ATP11A: variants seen among roughly 807,000 people sequenced by gnomAD.
The protein encoded by ATP11A is ATPase phospholipid transporting 11A.
Under a neutral mutation model 154.4 loss-of-function variants are expected in ATP11A, and 81 were observed. The observed-to-expected ratio is 0.52, with a 90% CI of 0.44 to 0.63. The LOEUF is 0.63. ATP11A is among the 30% of genes least tolerant of loss of function. The pLI is 0.00. For synonymous variants in ATP11A, 623 were observed against 585.9 expected, an observed-to-expected ratio of 1.06 and a Z score of -0.91; for missense variants, 1,316 against 1,474.3, an observed-to-expected ratio of 0.89 and a Z score of 1.76.
At chr13:112,784,765 C>T (rs1461361687) in intron 1 of ATP11A, among the ~76,000 whole-genome samples, 7 of 152,164 alleles carry the variant, frequency 4.6e-5, no homozygotes, top group Admixed American at 6.5e-5. Flanking sequence ...CCTCGTGATC[C>T]GCCCATCTCG....
At chr13:112,806,672 G>T (rs1160590382) in intron 4 of ATP11A, among the ~76,000 whole-genome samples, 1 of 151,632 alleles carries the variant, frequency 6.6e-6, no homozygotes, top group Non-Finnish European at 1.5e-5. Context: ...TTTTGGTTTT[G>T]CTTTTTTTTT....
intron 1 of ATP11A, among the ~76,000 whole-genome samples, chr13:112,702,457 G>A (rs889584742): frequency 1.3e-5 from 2 of 152,174 alleles, no homozygotes; most frequent in Admixed American, 6.5e-5. Flanking sequence ...CTCGGAAGGC[G>A]TGCACACGGG....
intron 2 of ATP11A, among the ~76,000 whole-genome samples, chr13:112,799,194 C>A (rs2078072501): frequency 6.6e-6 from 1 of 152,144 alleles, no homozygotes; most frequent in African/African-American, 2.4e-5. Context: ...AAAGAAAATC[C>A]ACTGTTATAT....
At chr13:112,805,080 T>A in intron 3 of ATP11A, 34 bp downstream of exon 3, 2 of 1,484,364 alleles carry the variant, frequency 1.3e-6, no homozygotes, top group East Asian at 4.6e-5. Context: ...TCTCATCACA[T>A]ATAAATCTAA....
intron 1 of ATP11A, among the ~76,000 whole-genome samples, chr13:112,736,619 G>A (rs1377774429): frequency 2.6e-5 from 4 of 152,134 alleles, no homozygotes; most frequent in Non-Finnish European, 4.4e-5. Context: ...GTTGTTTCCA[G>A]CATGCCAGAA....
In ATP11A at chr13:112,885,215, T is replaced by C. The variant is rs1451412620; in HGVS notation, c.*3349T>C. The C allele has an allele frequency of 6.6e-6, 1 of 150,860 alleles. No homozygotes were observed. The highest frequency in any genetic ancestry group is 2.4e-5 in the African/African-American group (1 of 40,848). 9.3% of individuals were successfully genotyped at this position (150,860 alleles called of 1,614,324 possible). On this transcript the variant is annotated 3_prime_UTR_variant, in exon 30 of 30. Coordinates refer to ENST00000375645, the MANE Select transcript of ATP11A (RefSeq NM_015205.3). Reference sequence around the variant, plus strand: ...TGCACATATCATGAACAGCGTAAGTTCCTACACACGGACGTGTGATACACA... The same window carrying C: ...TGCACATATCATGAACAGCGTAAGTCCCTACACACGGACGTGTGATACACA...
chr13:112,707,601 G>A (rs1008423830), intron 1 of ATP11A, among the ~76,000 whole-genome samples: 1 of 152,144 alleles, frequency 6.6e-6, no homozygotes, highest in East Asian at 1.9e-4. Context: ...ACAGTCGACC[G>A]GCATTTGACG....
intron 1 of ATP11A, among the ~76,000 whole-genome samples, chr13:112,698,307 C>T: frequency 6.6e-6 from 1 of 152,158 alleles, no homozygotes; most frequent in Non-Finnish European, 1.5e-5. Flanking sequence ...AGCCTGAGAC[C>T]ACCCCACCCG....
intron 12 of ATP11A, among the ~76,000 whole-genome samples, chr13:112,829,968 T>C (rs2079043683): frequency 6.6e-6 from 1 of 152,224 alleles, no homozygotes; most frequent in Admixed American, 6.5e-5. Flanking sequence ...CAATCTTATC[T>C]CTGCGTCCCG....
chr13:112,782,639 G>C (rs1218748564), intron 1 of ATP11A, among the ~76,000 whole-genome samples: 1 of 152,224 alleles, frequency 6.6e-6, no homozygotes, highest in East Asian at 1.9e-4. Flanking sequence ...ACAAAATAGA[G>C]ACAGCAGGGA....
rs1042763321 is a variant in ATP11A, at chr13:112,859,838, G to A, written c.2727+386G>A. Among the ~76,000 whole-genome samples, 12 of 152,218 alleles carry A rather than the reference G, an allele frequency of 7.9e-5. No homozygotes were observed. The highest frequency in any genetic ancestry group is 2.9e-4 in the African/African-American group (12 of 41,470). ...TGCCTGGCACGTTAACACATGCAAC[G>A]TGCCCATAGGGGAAGAAGACAGTTC... On this transcript the variant is annotated intron_variant, in intron 23 of 29. Transcript: ENST00000375645. The surrounding 1 kb of genome is among the most constrained non-coding windows in gnomAD (Gnocchi z 4.3).
At chr13:112,850,938 T>C (rs2079746076) in intron 17 of ATP11A, 99 bp from the exon 18 acceptor site, 8 of 1,077,578 alleles carry the variant, frequency 7.4e-6, no homozygotes, top group African/African-American at 4.7e-5. Flanking sequence ...TTGGGTTAGT[T>C]AGTCTAATGA....
At chr13:112,792,932 A>C (rs866649909) in intron 2 of ATP11A, among the ~76,000 whole-genome samples, 6 of 152,236 alleles carry the variant, frequency 3.9e-5, no homozygotes, top group African/African-American at 1.4e-4. Flanking sequence ...AGAAAGTTGA[A>C]TCCTTCTGGT....
At position 112,824,416 on chromosome 13, in the gene ATP11A, C is replaced by T. The variant is rs376242436; in HGVS notation, c.863C>T (p.Ala288Val). Reference sequence around the variant, plus strand: ...CAATCAAAATCTCAGAAGCGATCTGCCGTGGAAAAGTAAGGCTGGATGCGC... The same window carrying T: ...CAATCAAAATCTCAGAAGCGATCTGTCGTGGAAAAGTAAGGCTGGATGCGC... ...NYQSKSQKRS[A>V]VEKSMNAFLI... Residue 288 changes from alanine (A) to valine (V), a missense_variant, in exon 10 of 30, where the codon GCC becomes GTC. Around this residue, in one of 5 missense-constraint regions of ATP11A, gnomAD observed 876 missense variants for 1,006.8 expected, o/e 0.87. Transcript: ENST00000375645. The T allele has an allele frequency of 2.5e-6, 4 of 1,613,962 alleles. No homozygotes were observed. In the African/African-American group the frequency reaches 5.3e-5, roughly 22 times the overall value.
rs543939913 is a variant in ATP11A, at chr13:112,774,045, C to G, written c.40-11090C>G. On this transcript the variant is annotated intron_variant, in intron 1 of 29. Transcript: ENST00000375645. Reference sequence around the variant, plus strand: ...CTGCCTCCCTGCTTCCCGTCCACCTCACGGGGAACTAGGAATTCCCTCCTG... The same window carrying G: ...CTGCCTCCCTGCTTCCCGTCCACCTGACGGGGAACTAGGAATTCCCTCCTG... Among the ~76,000 whole-genome samples the G allele has an allele frequency of 1.4e-4, 21 of 152,378 alleles. No homozygotes were observed. In the South Asian group the frequency reaches 1.7e-3, roughly 12 times the overall value.
rs952458870 is a variant in ATP11A at position 112,806,102 on chromosome 13, T to C, written c.253-111T>C. 1.8e-5 allele frequency: 13 copies of C among 723,920 alleles called. No homozygotes were observed. The Admixed American group carries it at 1.8e-4, about 10-fold the overall frequency. The allele number at this position is 723,920 out of a possible 1,614,324, so 44.8% of individuals were successfully genotyped here. A position where few individuals can be genotyped will look rare whatever the true frequency, so the allele number is the denominator to read the frequency against. The stretch of plus-strand genomic sequence containing the variant: ...GTGGGCAGTCAGGTGCCAGCAAAGG[T>C]CTTTAAATAAGTCAAAGCGAATGGG... On this transcript the variant is annotated intron_variant, in intron 3 of 29. Coordinates refer to ENST00000375645, the MANE Select transcript of ATP11A (RefSeq NM_015205.3).
chr13:112,698,879 G>C (rs1017650784), intron 1 of ATP11A, among the ~76,000 whole-genome samples: 20 of 151,978 alleles, frequency 1.3e-4, no homozygotes, highest in African/African-American at 4.1e-4. Context: ...CTGCCACCAC[G>C]CCTGTCTCAT....
At chr13:112,719,454 T>A (rs923579238) in intron 1 of ATP11A, among the ~76,000 whole-genome samples, 2 of 152,376 alleles carry the variant, frequency 1.3e-5, no homozygotes, top group East Asian at 3.9e-4. Context: ...ATCAAAATAA[T>A]GTATCCTTGA....
Position 112,842,195 on chromosome 13 carries a change from T to C in ATP11A, c.1706-81T>C. On this transcript the variant is annotated intron_variant, in intron 16 of 29. Coordinates refer to ENST00000375645, the MANE Select transcript of ATP11A (RefSeq NM_015205.3). ...CACACTGCTATCCCTGTTTTTTGTT[T>C]TTTAATAATGGCATAATTTTAAAAA... is the stretch of plus-strand genomic sequence containing the variant. 4.1e-6 allele frequency: 5 copies of C among 1,209,774 alleles called. No homozygotes were observed. The Admixed American group carries it at 1.0e-4, about 25-fold the overall frequency. 74.9% of individuals were successfully genotyped at this position (1,209,774 alleles called of 1,614,324 possible). A position where few individuals can be genotyped will look rare whatever the true frequency, so the allele number is the denominator to read the frequency against.
Sources: gnomAD v4.1 joint callset for allele counts (sites outside exome capture counted in the v4.1 genomes callset) on GRCh38, gnomAD v4.1.1 for gene constraint, gnomAD v4.1.1 regional missense constraint, Gnocchi (gnomAD v3.1) non-coding constraint, MANE v1.5 for transcripts, NCBI Gene and HGNC (gene_info 2026-07-23, HGNC 2026-07-21) for gene names.